Variants in EYS observed in about 807,000 individuals in gnomAD.
EYS encodes EGF-like photoreceptor maintenance factor.
Under a neutral mutation model 282.1 loss-of-function variants are expected in EYS, and 250 were observed. That is an observed-to-expected ratio of 0.89 (90% confidence interval 0.80 to 0.98). The LOEUF (loss-of-function observed/expected upper bound fraction) is 0.98. Ranked by LOEUF, EYS falls within the 50% of genes least tolerant of loss-of-function variation. EYS has a pLI of 0.00. For synonymous variants in EYS, 1,355 were observed against 1,282.9 expected (o/e 1.06, Z -1.20); for missense variants, 4,016 against 3,709.0 (o/e 1.08, Z -2.15).
At chr6:64,182,312 CT>C (rs1045180915) in intron 31 of EYS, among the ~76,000 whole-genome samples, 37 of 152,026 alleles carry the variant, frequency 2.4e-4, no homozygotes, top group African/African-American at 8.7e-4. Context: ...CTTTTCTTTC[CT>C]CAAAATTATA....
In EYS at chr6:65,685,360, A is replaced by T. The variant is rs563194046; in HGVS notation, c.-448+21775T>A. ...AGAATCAAGTCTGTGCTGGGAAGAA[A>T]GAAGCTACGACTACGACATCAAATT... On this transcript the variant is annotated intron_variant, in intron 1 of 42. Transcript: ENST00000503581. 2.0e-5 allele frequency among the ~76,000 whole-genome samples: 3 copies of T among 152,216 alleles called. No homozygotes were observed. The South Asian group carries it at 6.2e-4, about 32-fold the overall frequency.
chr6:65,043,047 T>C (rs1366159382), intron 13 of EYS, among the ~76,000 whole-genome samples: 1 of 151,538 alleles, frequency 6.6e-6, no homozygotes, highest in Admixed American at 6.6e-5. Context: ...AAAATCTAGA[T>C]ATCTTTTGAT....
intron 2 of EYS, among the ~76,000 whole-genome samples, chr6:65,605,639 T>C (rs1765761316): frequency 6.6e-6 from 1 of 151,930 alleles, no homozygotes. Flanking sequence ...ATAACATACA[T>C]ATTTAGCAAA....
At chr6:65,365,567 T>A (rs180687919) in intron 8 of EYS, among the ~76,000 whole-genome samples, 98 of 151,740 alleles carry the variant, frequency 6.5e-4, no homozygotes, top group African/African-American at 2.3e-3. Context: ...ATATATCTCA[T>A]TGAGTGACTA....
At chr6:64,383,435 C>G (rs1772814367) in intron 29 of EYS, among the ~76,000 whole-genome samples, 1 of 152,178 alleles carries the variant, frequency 6.6e-6, no homozygotes. Flanking sequence ...AATGTCTTGA[C>G]TTGTGATTCA....
chr6:65,257,795 A>C (rs1238883752), intron 12 of EYS, among the ~76,000 whole-genome samples: 3 of 152,050 alleles, frequency 2.0e-5, no homozygotes, highest in Non-Finnish European at 4.4e-5. Context: ...TAAAAATGAA[A>C]ACAATTGAAT....
chr6:65,225,617 G>A (rs1388717793), intron 12 of EYS, among the ~76,000 whole-genome samples: 1 of 151,656 alleles, frequency 6.6e-6, no homozygotes, highest in African/African-American at 2.4e-5. Flanking sequence ...GGGAGGCTGA[G>A]GCAGGAGAAT....
At chr6:64,531,950 T>A (rs905877993) in intron 26 of EYS, among the ~76,000 whole-genome samples, 3 of 152,126 alleles carry the variant, frequency 2.0e-5, no homozygotes, top group African/African-American at 7.2e-5. Flanking sequence ...CTCTGGGCCT[T>A]TATTGCATCC....
At chr6:64,386,442 C>A (rs907044124) in intron 29 of EYS, among the ~76,000 whole-genome samples, 1 of 152,132 alleles carries the variant, frequency 6.6e-6, no homozygotes, top group Non-Finnish European at 1.5e-5. Flanking sequence ...ATTTACAAAA[C>A]CATCACATCT....
At chr6:64,982,312 T>A (rs1048379084) in intron 14 of EYS, among the ~76,000 whole-genome samples, 1 of 151,428 alleles carries the variant, frequency 6.6e-6, no homozygotes, top group African/African-American at 2.4e-5. Context: ...AAAGCAAGTT[T>A]AATTATAGTG....
intron 31 of EYS, among the ~76,000 whole-genome samples, chr6:64,148,695 CT>C (rs1193265393): frequency 6.6e-6 from 1 of 152,022 alleles, no homozygotes; most frequent in Non-Finnish European, 1.5e-5. Context: ...TTGTCCTATA[CT>C]TTCTTTGTTT....
In EYS at chr6:64,624,122, A is replaced by G. The variant is rs114394030; in HGVS notation, c.3568+1999T>C. Among the ~76,000 whole-genome samples the G allele has an allele frequency of 1.9e-3, 289 of 152,256 alleles. 3 individuals carry two copies. The highest frequency in any genetic ancestry group is 6.4e-3 in the African/African-American group (265 of 41,552). ...AGTCAAAGGTATCAGCAGATTTTGA[A>G]TAACGCCTAGCAATACAGGTGGTAT... is the stretch of plus-strand genomic sequence containing the variant. On this transcript the variant is annotated intron_variant, in intron 23 of 42. Coordinates refer to ENST00000503581, the MANE Select transcript of EYS (RefSeq NM_001142800.2).
chr6:65,050,750 T>G (rs1773247452), intron 13 of EYS, among the ~76,000 whole-genome samples: 1 of 151,586 alleles, frequency 6.6e-6, no homozygotes, highest in Non-Finnish European at 1.5e-5. Context: ...GCTGAAAAAC[T>G]AATTGCTCCA....
chr6:65,658,731 C>A (rs531819966), intron 1 of EYS, among the ~76,000 whole-genome samples: 1 of 151,640 alleles, frequency 6.6e-6, no homozygotes, highest in East Asian at 1.9e-4. Context: ...TGGAATTGAA[C>A]TGCAGCCTTT....
intron 22 of EYS, among the ~76,000 whole-genome samples, chr6:64,630,081 A>T (rs1562100381): frequency 1.3e-5 from 2 of 151,492 alleles, no homozygotes; most frequent in East Asian, 1.9e-4. Flanking sequence ...TTATTCTGAG[A>T]TTTTTTTTGT....
chr6:64,935,488 A>C (rs2150089602), intron 15 of EYS, among the ~76,000 whole-genome samples: 1 of 151,806 alleles, frequency 6.6e-6, no homozygotes, highest in African/African-American at 2.4e-5. Context: ...TAAATTAATA[A>C]AGCAGAGAAT....
intron 12 of EYS, among the ~76,000 whole-genome samples, chr6:65,210,937 C>T (rs896855318): frequency 2.6e-5 from 4 of 151,342 alleles, no homozygotes; most frequent in African/African-American, 9.7e-5. Flanking sequence ...TACAAACACA[C>T]ACACACACAC....
At chr6:64,499,811 G>A (rs1036677395) in intron 26 of EYS, among the ~76,000 whole-genome samples, 10 of 152,006 alleles carry the variant, frequency 6.6e-5, no homozygotes, top group Non-Finnish European at 8.8e-5. Context: ...ACAAATCCCT[G>A]CTCCTGAGTA....
intron 26 of EYS, among the ~76,000 whole-genome samples, chr6:64,569,568 C>T (rs555144721): frequency 3.0e-4 from 46 of 151,918 alleles, no homozygotes; most frequent in African/African-American, 1.1e-3. Flanking sequence ...GGTGAAACCC[C>T]GTCTCCACTA....
Sources: allele counts gnomAD v4.1 joint callset (sites outside exome capture counted in the v4.1 genomes callset), GRCh38; gene constraint gnomAD v4.1.1; transcripts MANE v1.5; gene names NCBI Gene and HGNC (gene_info 2026-07-23, HGNC 2026-07-21).